PLXDC2: variants seen among roughly 807,000 people sequenced by gnomAD.
PLXDC2 encodes the protein plexin domain-containing protein 2.
A neutral mutation model predicts 68.9 loss-of-function variants in PLXDC2; 40 were observed. The ratio of observed to expected loss-of-function variants is 0.58; its 90% CI spans 0.45 to 0.76. The LOEUF (loss-of-function observed/expected upper bound fraction) is 0.76, where lower values mean the gene tolerates loss of function less well. PLXDC2 is among the 30% of genes least tolerant of loss of function. The pLI, the probability that PLXDC2 is intolerant of heterozygous loss-of-function variation, is 0.00. For synonymous variants in PLXDC2, 243 were observed against 234.2 expected (o/e 1.04, Z -0.34); for missense variants, 644 against 661.9 (o/e 0.97, Z 0.30).
At chr10:20,144,182 GTATT>G (rs1201204405) in intron 5 of PLXDC2, among the ~76,000 whole-genome samples, 2 of 152,054 alleles carry the variant, frequency 1.3e-5, no homozygotes, top group African/African-American at 4.8e-5. Context: ...AATTTTCTGT[GTATT>G]TATCATTCAA....
intron 6 of PLXDC2, among the ~76,000 whole-genome samples, chr10:20,161,386 C>T (rs1834289224): frequency 6.6e-6 from 1 of 150,688 alleles, no homozygotes; most frequent in Admixed American, 6.6e-5. Context: ...CAGTAGTGTA[C>T]ATTTTCTTGG....
intron 1 of PLXDC2, among the ~76,000 whole-genome samples, chr10:19,983,226 G>T (rs1834581003): frequency 6.6e-6 from 1 of 152,204 alleles, no homozygotes; most frequent in South Asian, 2.1e-4. Context: ...TAGCAATCAG[G>T]TCTGCAGTGA....
At chr10:20,130,399 T>C (rs979671668) in intron 4 of PLXDC2, among the ~76,000 whole-genome samples, 12 of 152,120 alleles carry the variant, frequency 7.9e-5, no homozygotes, top group African/African-American at 2.9e-4. Flanking sequence ...CAACAGGTTT[T>C]TGGAGGAGTT....
chr10:19,853,822 T>C (rs367831373), intron 1 of PLXDC2, among the ~76,000 whole-genome samples: 146 of 152,334 alleles, frequency 9.6e-4, no homozygotes, highest in African/African-American at 2.6e-3. Flanking sequence ...AATCTTGGAA[T>C]ATATCTTTAT....
intron 1 of PLXDC2, among the ~76,000 whole-genome samples, chr10:19,946,542 C>T (rs1833903636): frequency 6.6e-6 from 1 of 151,214 alleles, no homozygotes; most frequent in African/African-American, 2.4e-5. Flanking sequence ...GACAGTTTAT[C>T]CTGGATTGAT....
chr10:19,839,512 C>T (rs1483550805), intron 1 of PLXDC2, among the ~76,000 whole-genome samples: 1 of 152,134 alleles, frequency 6.6e-6, no homozygotes, highest in Non-Finnish European at 1.5e-5. Flanking sequence ...AAAGAACTGG[C>T]CTGGGTTTGA....
chr10:20,080,532 G>A (rs1378426650), intron 4 of PLXDC2, among the ~76,000 whole-genome samples: 1 of 152,132 alleles, frequency 6.6e-6, no homozygotes, highest in Non-Finnish European at 1.5e-5. Flanking sequence ...TGATGTTCGA[G>A]GGCAGGAAAC....
intron 1 of PLXDC2, among the ~76,000 whole-genome samples, chr10:19,962,762 G>A (rs1834181024): frequency 6.7e-6 from 1 of 148,868 alleles, no homozygotes; most frequent in Non-Finnish European, 1.5e-5. Flanking sequence ...GAGGCTGGGC[G>A]GATCACGAGG....
chr10:19,890,602 C>G (rs1837940268), intron 1 of PLXDC2, among the ~76,000 whole-genome samples: 1 of 142,418 alleles, frequency 7.0e-6, no homozygotes, highest in African/African-American at 2.6e-5. Flanking sequence ...GTCTCAATCT[C>G]CTGACCTCGT....
intron 9 of PLXDC2, among the ~76,000 whole-genome samples, chr10:20,200,572 G>C (rs1256906669): frequency 1.3e-5 from 2 of 151,974 alleles, no homozygotes; most frequent in Non-Finnish European, 2.9e-5. Flanking sequence ...CTCCACAGCA[G>C]GGGAAACAGC....
chr10:19,956,408 T>C (rs1554848475), intron 1 of PLXDC2, among the ~76,000 whole-genome samples: 1 of 152,218 alleles, frequency 6.6e-6, no homozygotes, highest in Non-Finnish European at 1.5e-5. Context: ...ATTACTAAAC[T>C]TAATTTTACC....
At chr10:20,216,417 T>A (rs1251064746) in intron 10 of PLXDC2, among the ~76,000 whole-genome samples, 2 of 152,214 alleles carry the variant, frequency 1.3e-5, no homozygotes, top group African/African-American at 2.4e-5. Context: ...AACTGGAATT[T>A]GGGGAATTAA....
chr10:20,169,012 G>A (rs1834411484), intron 7 of PLXDC2, among the ~76,000 whole-genome samples: 1 of 152,020 alleles, frequency 6.6e-6, no homozygotes, highest in Admixed American at 6.6e-5. Flanking sequence ...TTTTTACACT[G>A]TTAAATATCT....
chr10:20,000,806 C>T (rs1249520195), intron 1 of PLXDC2, among the ~76,000 whole-genome samples: 4 of 152,140 alleles, frequency 2.6e-5, no homozygotes, highest in Admixed American at 1.3e-4. Flanking sequence ...ATCACTGCTC[C>T]TTCTGCCTTT....
chr10:20,201,842 A>G (rs915466088), intron 9 of PLXDC2, among the ~76,000 whole-genome samples: 4 of 152,134 alleles, frequency 2.6e-5, no homozygotes, highest in Admixed American at 2.0e-4. Flanking sequence ...AAGCTATTAC[A>G]TGTTGTGATT....
At chr10:20,262,278 G>T (rs142797662) in intron 13 of PLXDC2, among the ~76,000 whole-genome samples, 3 of 152,150 alleles carry the variant, frequency 2.0e-5, no homozygotes, top group Non-Finnish European at 4.4e-5. Flanking sequence ...AAGGAGTCTC[G>T]TTGCTTATTT....
At chr10:20,053,284 A>G (rs1406678200) in intron 3 of PLXDC2, among the ~76,000 whole-genome samples, 1 of 152,130 alleles carries the variant, frequency 6.6e-6, no homozygotes, top group Non-Finnish European at 1.5e-5. Context: ...ACATTTCTTA[A>G]ATCATTGCAA....
At chr10:19,823,416 C>T (rs61841505) in intron 1 of PLXDC2, among the ~76,000 whole-genome samples, 89,860 of 151,474 alleles carry the variant, frequency 0.59, 26,902 homozygotes, top group Non-Finnish European at 0.64. Flanking sequence ...CGTGGTGGCT[C>T]ACACCTGTGA....
chr10:20,083,955 T>C (rs1833153425), intron 4 of PLXDC2, among the ~76,000 whole-genome samples: 2 of 152,242 alleles, frequency 1.3e-5, no homozygotes, highest in African/African-American at 4.8e-5. Flanking sequence ...GAATAGTAAG[T>C]ATCCCCATTT....
Sources: allele counts gnomAD v4.1 joint callset (sites outside exome capture counted in the v4.1 genomes callset), GRCh38; gene constraint gnomAD v4.1.1; transcripts MANE v1.5; gene names NCBI Gene and HGNC (gene_info 2026-07-23, HGNC 2026-07-21).